Variants in LAMC3 observed in about 807,000 individuals in gnomAD.
LAMC3 encodes the protein laminin subunit gamma-3.
LAMC3 carries 128 observed loss-of-function variants against 173.8 expected under a neutral mutation model. The observed-to-expected ratio is 0.74, with a 90% CI of 0.64 to 0.85. The LOEUF is 0.85. Among genes scored for constraint, LAMC3 ranks in the 40% least tolerant of loss-of-function variants. The pLI is 0.00. For synonymous variants in LAMC3, 897 were observed against 909.1 expected (o/e 0.99, Z 0.24); for missense variants, 2,022 against 2,156.0 (o/e 0.94, Z 1.23).
chr9:131,042,925 C>G (rs1237320578), intron 7 of LAMC3, among the ~76,000 whole-genome samples: 1 of 150,770 alleles, frequency 6.6e-6, no homozygotes, highest in Non-Finnish European at 1.5e-5. Flanking sequence ...ACCATCAACT[C>G]TCCCCTTTCA....
Position 131,072,786 on chromosome 9 carries a change from A to C in LAMC3, c.3368A>C (p.Glu1123Ala). Residue 1123 changes from glutamate to alanine, a missense_variant, in exon 19 of 28, where the codon GAG (glutamate) becomes GCG (alanine). Coordinates refer to ENST00000361069, the MANE Select transcript of LAMC3 (RefSeq NM_006059.4). Reference protein sequence around the residue: ...TQLADLEAVLESSEEEILHAA... With the variant: ...TQLADLEAVLASSEEEILHAA... ...CTGGCAGACCTGGAGGCAGTGCTGG[A>C]GTCCTCGGAAGAGGAGATTCTGCAT... 6.2e-7 allele frequency: 1 copy of C among 1,613,366 alleles called. No individual in the cohort carries two copies. Among genetic ancestry groups the C allele is most frequent in the Non-Finnish European group, 8.5e-7 (1 of 1,179,800 alleles).
intron 1 of LAMC3, among the ~76,000 whole-genome samples, chr9:131,025,837 C>T (rs866664877): frequency 6.6e-5 from 10 of 152,196 alleles, no homozygotes; most frequent in Admixed American, 1.3e-4. Flanking sequence ...GGGAGGATTT[C>T]GTTAGGATTA....
At chr9:131,056,502 A>C (rs1280944570) in intron 11 of LAMC3, among the ~76,000 whole-genome samples, 1 of 151,654 alleles carries the variant, frequency 6.6e-6, no homozygotes, top group Non-Finnish European at 1.5e-5. Context: ...TTGAAAAATA[A>C]AAATAAAAAT....
intron 13 of LAMC3, among the ~76,000 whole-genome samples, chr9:131,065,471 A>AG (rs1374217863): frequency 2.0e-5 from 3 of 152,198 alleles, no homozygotes; most frequent in Non-Finnish European, 4.4e-5. Flanking sequence ...CCCAGCTAAG[A>AG]GGGGGATGAG....
chr9:131,092,892 T>G lies in LAMC3; in HGVS notation c.*1105T>G, dbSNP rs550530206. 1 of 152,428 alleles carries G rather than the reference T, an allele frequency of 6.6e-6. No individual in the cohort carries two copies. The highest frequency in any genetic ancestry group is 1.9e-4 in the East Asian group (1 of 5,168). The allele number at this position is 152,428 out of a possible 1,614,324, so 9.4% of individuals were successfully genotyped here. A position where few individuals can be genotyped will look rare whatever the true frequency, so the allele number is the denominator to read the frequency against. On this transcript the variant is annotated 3_prime_UTR_variant, in exon 28 of 28. Coordinates refer to ENST00000361069, the MANE Select transcript of LAMC3 (RefSeq NM_006059.4). ...CCTCAGCATTTCCTCTTGGCATCCC[T>G]CCCCTCTCCCAGACCCTCTTCCAGC...
At chr9:131,014,389 G>A (rs556083256) in intron 1 of LAMC3, among the ~76,000 whole-genome samples, 9 of 152,344 alleles carry the variant, frequency 5.9e-5, no homozygotes, top group Non-Finnish European at 1.2e-4. Flanking sequence ...GAGCCCTGGG[G>A]ATGTCTGTCT....
At chr9:131,077,927 C>T (rs1018383389) in intron 22 of LAMC3, among the ~76,000 whole-genome samples, 1 of 152,100 alleles carries the variant, frequency 6.6e-6, no homozygotes, top group African/African-American at 2.4e-5. Flanking sequence ...CAGATGGACA[C>T]GGGATGCAAT....
chr9:131,063,737 T>A (rs1384711135), intron 13 of LAMC3, among the ~76,000 whole-genome samples: 2 of 152,204 alleles, frequency 1.3e-5, no homozygotes, highest in Non-Finnish European at 2.9e-5. Flanking sequence ...CACTTAACCA[T>A]GGGGCTCACT....
At chr9:131,059,837 G>T (rs762858322) in intron 12 of LAMC3, among the ~76,000 whole-genome samples, 1 of 152,270 alleles carries the variant, frequency 6.6e-6, no homozygotes, top group African/African-American at 2.4e-5. Flanking sequence ...GCCTATGGGT[G>T]CTGGGCCTAG....
chr9:131,038,819 C>A, intron 4 of LAMC3, 45 bp from the exon 5 acceptor site: 1 of 1,590,440 alleles, frequency 6.3e-7, no homozygotes, highest in Non-Finnish European at 8.6e-7. Flanking sequence ...AGCCTCCTAC[C>A]ACATCACAGG....
At chr9:131,035,588 G>A (rs1399973105) in intron 3 of LAMC3, among the ~76,000 whole-genome samples, 1 of 152,218 alleles carries the variant, frequency 6.6e-6, no homozygotes, top group Admixed American at 6.5e-5. Flanking sequence ...ATTGGGGATT[G>A]CAGTTTGACA....
chr9:131,064,659 G>A (rs13284577), intron 13 of LAMC3, among the ~76,000 whole-genome samples: 77,029 of 138,332 alleles, frequency 0.56, 20,439 homozygotes, highest in Non-Finnish European at 0.59. Context: ...GCGAGACTCC[G>A]TCTCCAAAAA....
At chr9:131,039,856 G>C (rs147059922) in intron 6 of LAMC3, among the ~76,000 whole-genome samples, 2 of 151,914 alleles carry the variant, frequency 1.3e-5, no homozygotes, top group African/African-American at 2.4e-5. Context: ...TGGGTGCACC[G>C]AGTTTGGTAC....
At chr9:131,012,060 C>CAG (rs1382067804) in intron 1 of LAMC3, among the ~76,000 whole-genome samples, 1 of 135,862 alleles carries the variant, frequency 7.4e-6, no homozygotes, top group Non-Finnish European at 1.6e-5. Context: ...CACACACACA[C>CAG]ATACACACAC....
At chr9:131,051,891 G>T (rs72768506) in intron 9 of LAMC3, among the ~76,000 whole-genome samples, 16,477 of 152,148 alleles carry the variant, frequency 0.11, 1,278 homozygotes, top group African/African-American at 0.22. Flanking sequence ...AAGAAATGAT[G>T]GGCTGATGCA....
At chr9:131,018,936 C>T (rs996437731) in intron 1 of LAMC3, among the ~76,000 whole-genome samples, 1 of 152,200 alleles carries the variant, frequency 6.6e-6, no homozygotes, top group Non-Finnish European at 1.5e-5. Flanking sequence ...CTCCCACAGC[C>T]TCCCTGGGCT....
chr9:131,063,916 T>C (rs1829877460), intron 13 of LAMC3, among the ~76,000 whole-genome samples: 1 of 152,206 alleles, frequency 6.6e-6, no homozygotes, highest in Non-Finnish European at 1.5e-5. Context: ...TATTAACTTT[T>C]TTTTCTCTGG....
Position 131,079,306 on chromosome 9 carries a change from C to G in LAMC3, c.3927+8C>G, listed in dbSNP as rs148008251. ...ACAGAACCCCTCACAAAGGTCAGCTCTTGTGCTTTGAAGCAGGGGACCTGG... is the reference window on the plus strand; with the variant it reads ...ACAGAACCCCTCACAAAGGTCAGCTGTTGTGCTTTGAAGCAGGGGACCTGG... On this transcript the variant is annotated splice_region_variant and intron_variant, in intron 23 of 27. Transcript: ENST00000361069. The G allele has an allele frequency of 3.7e-4, 603 of 1,613,986 alleles. 1 individual carries two copies. The African/African-American group carries it at 7.3e-3, about 20-fold the overall frequency.
chr9:131,089,993 C>T (rs1047026915), intron 27 of LAMC3, among the ~76,000 whole-genome samples: 2 of 152,088 alleles, frequency 1.3e-5, no homozygotes, highest in African/African-American at 2.4e-5. Flanking sequence ...GACAGCGTCT[C>T]GTTATGTTAA....
Sources: allele counts gnomAD v4.1 joint callset (sites outside exome capture counted in the v4.1 genomes callset), GRCh38; gene constraint gnomAD v4.1.1; transcripts MANE v1.5; gene names NCBI Gene and HGNC (gene_info 2026-07-23, HGNC 2026-07-21).